Variants in FYN observed in about 807,000 individuals in gnomAD.
The protein encoded by FYN is tyrosine-protein kinase Fyn.
Under a neutral mutation model 70.2 loss-of-function variants are expected in FYN, and 10 were observed. The ratio of observed to expected loss-of-function variants is 0.14; its 90% CI spans 0.09 to 0.24. The LOEUF is 0.24. Ranked by LOEUF, FYN falls within the 10% of genes least tolerant of loss-of-function variation. The probability of loss-of-function intolerance (pLI) is 1.00; values close to 1 mark genes in which losing one functional copy is unlikely to be tolerated. For missense variants in FYN, 319 were observed against 673.1 expected, an observed-to-expected ratio of 0.47 and a Z score of 5.82; for synonymous variants, 236 against 248.6, an observed-to-expected ratio of 0.95 and a Z score of 0.48.
intron 12 of FYN, among the ~76,000 whole-genome samples, chr6:111,683,782 G>A (rs1162018253): frequency 6.6e-6 from 1 of 151,942 alleles, no homozygotes; most frequent in Non-Finnish European, 1.5e-5. Context: ...TACAGGAGGG[G>A]GAGGTGACAA....
At chr6:111,827,487 C>T (rs1349421120) in intron 2 of FYN, among the ~76,000 whole-genome samples, 1 of 152,160 alleles carries the variant, frequency 6.6e-6, no homozygotes, top group Non-Finnish European at 1.5e-5. Flanking sequence ...AGAGGAACAA[C>T]ACTGGGGATT....
chr6:111,807,951 T>C (rs1772202397), intron 2 of FYN, among the ~76,000 whole-genome samples: 1 of 151,900 alleles, frequency 6.6e-6, no homozygotes, highest in East Asian at 1.9e-4. Flanking sequence ...CTACTAAAAA[T>C]ACAAAAATTA....
intron 3 of FYN, among the ~76,000 whole-genome samples, chr6:111,748,461 CT>C (rs559374743): frequency 8.5e-5 from 13 of 152,326 alleles, no homozygotes; most frequent in African/African-American, 3.1e-4. Flanking sequence ...TTGCTCACCT[CT>C]CTGGGTTTTC....
chr6:111,731,103 C>T (rs559948186), intron 3 of FYN, among the ~76,000 whole-genome samples: 3 of 152,294 alleles, frequency 2.0e-5, no homozygotes, highest in East Asian at 1.9e-4. Context: ...GTACGAGGAC[C>T]GCTGAGAATG....
intron 3 of FYN, among the ~76,000 whole-genome samples, chr6:111,755,054 A>G (rs1583410121): frequency 6.6e-6 from 1 of 152,214 alleles, no homozygotes; most frequent in East Asian, 1.9e-4. Flanking sequence ...GAATGTCCCA[A>G]AGATGGTAAA....
intron 2 of FYN, among the ~76,000 whole-genome samples, chr6:111,827,091 G>A (rs1049090079): frequency 4.6e-5 from 7 of 152,144 alleles, no homozygotes; most frequent in African/African-American, 1.4e-4. Flanking sequence ...GTCGGCCAAC[G>A]AGAGAGGCTG....
chr6:111,849,308 C>T (rs1177899974), intron 1 of FYN, among the ~76,000 whole-genome samples: 3 of 152,216 alleles, frequency 2.0e-5, no homozygotes, highest in Non-Finnish European at 4.4e-5. Context: ...TCAGACCAAT[C>T]CTCCAACATT....
chr6:111,698,167 C>T (rs1222252996), intron 9 of FYN, among the ~76,000 whole-genome samples: 2 of 135,496 alleles, frequency 1.5e-5, no homozygotes, highest in African/African-American at 7.5e-5. Context: ...CTTTTGTTGC[C>T]CAGGCTGGAG....
At chr6:111,857,101 A>G (rs921252858) in intron 1 of FYN, among the ~76,000 whole-genome samples, 2 of 152,212 alleles carry the variant, frequency 1.3e-5, no homozygotes, top group African/African-American at 4.8e-5. Flanking sequence ...CTTGGAAATG[A>G]ATCCTTTCAT....
chr6:111,826,120 C>G (rs927010), intron 2 of FYN, among the ~76,000 whole-genome samples: 123,310 of 152,148 alleles, frequency 0.81, 50,981 homozygotes, highest in African/African-American at 0.96. Context: ...GGAGTGAAGA[C>G]GCCAGAGGAC....
intron 2 of FYN, among the ~76,000 whole-genome samples, chr6:111,812,520 T>C (rs1012627320): frequency 1.2e-4 from 18 of 152,068 alleles, no homozygotes; most frequent in South Asian, 6.2e-4. Flanking sequence ...AGAAATACTT[T>C]AGTTGTATAC....
chr6:111,784,580 AG>A (rs1396044516), intron 2 of FYN, among the ~76,000 whole-genome samples: 1 of 152,240 alleles, frequency 6.6e-6, no homozygotes, highest in Non-Finnish European at 1.5e-5. Context: ...TATTTTAACC[AG>A]GATGGTCAAC....
chr6:111,708,228 G>C (rs567851875), intron 5 of FYN: 4 of 494,188 alleles, frequency 8.1e-6, no homozygotes, highest in Middle Eastern at 5.5e-4. Context: ...ACCCACAGTT[G>C]TCTCTTGCCT....
At chr6:111,721,132 G>C (rs895263762) in intron 3 of FYN, among the ~76,000 whole-genome samples, 2 of 152,022 alleles carry the variant, frequency 1.3e-5, no homozygotes, top group African/African-American at 4.8e-5. Flanking sequence ...AGTTAATAAG[G>C]CACCGCTTCC....
intron 3 of FYN, among the ~76,000 whole-genome samples, chr6:111,734,697 C>G (rs918878076): frequency 6.6e-6 from 1 of 152,018 alleles, no homozygotes; most frequent in Non-Finnish European, 1.5e-5. Flanking sequence ...AAGAAACGAC[C>G]CCCCCTACCC....
intron 12 of FYN, among the ~76,000 whole-genome samples, chr6:111,683,774 C>T (rs1214727765): frequency 1.3e-5 from 2 of 151,026 alleles, no homozygotes; most frequent in Non-Finnish European, 2.9e-5. Context: ...ATTTGGTTTA[C>T]AGGAGGGGGA....
chr6:111,671,150 C>T (rs1327965634), intron 13 of FYN, among the ~76,000 whole-genome samples: 2 of 152,216 alleles, frequency 1.3e-5, no homozygotes, highest in African/African-American at 2.4e-5. Flanking sequence ...TTCTCTACCA[C>T]CCCCGTTAAT....
chr6:111,811,118 T>C (rs1772311773), intron 2 of FYN, among the ~76,000 whole-genome samples: 1 of 152,192 alleles, frequency 6.6e-6, no homozygotes, highest in Admixed American at 6.5e-5. Context: ...GCCTGTGCCT[T>C]TGCTGAATAT....
chr6:111,867,987 A>G lies in FYN; in HGVS notation c.-123+4981T>C, dbSNP rs954816166. On this transcript the variant is annotated intron_variant, in intron 1 of 13. Transcript: ENST00000354650. ...GCCCTGAACTAACTGCAGTTCCCCAAAAGGTCTGTGCATTCGCCCTCTGGG... is the reference window on the plus strand; with the variant it reads ...GCCCTGAACTAACTGCAGTTCCCCAGAAGGTCTGTGCATTCGCCCTCTGGG... Among the ~76,000 whole-genome samples, 46 of 152,052 alleles carry G rather than the reference A, an allele frequency of 3.0e-4. 1 individual carries two copies. Among genetic ancestry groups the G allele is most frequent in the African/African-American group, 1.0e-3 (43 of 41,390 alleles).
Sources: gnomAD v4.1 joint callset for allele counts (sites outside exome capture counted in the v4.1 genomes callset) on GRCh38, gnomAD v4.1.1 for gene constraint, MANE v1.5 for transcripts, NCBI Gene and HGNC (gene_info 2026-07-23, HGNC 2026-07-21) for gene names.